Variants in MACROD2 observed in about 807,000 individuals in gnomAD.
MACROD2 encodes mono-ADP ribosylhydrolase 2.
A neutral mutation model predicts 70.4 loss-of-function variants in MACROD2; 36 were observed. The ratio of observed to expected loss-of-function variants is 0.51; its 90% CI spans 0.39 to 0.68. MACROD2 has a LOEUF of 0.68. Ranked by LOEUF, MACROD2 falls within the 30% of genes least tolerant of loss-of-function variation. The probability of loss-of-function intolerance (pLI) is 0.00; values close to 1 mark genes in which losing one functional copy is unlikely to be tolerated. For missense variants in MACROD2, 496 were observed against 538.4 expected (o/e 0.92, Z 0.78); for synonymous variants, 172 against 178.8 (o/e 0.96, Z 0.30).
At chr20:15,413,296 A>G (rs763279707) in intron 6 of MACROD2, among the ~76,000 whole-genome samples, 1 of 152,232 alleles carries the variant, frequency 6.6e-6, no homozygotes, top group Non-Finnish European at 1.5e-5. Flanking sequence ...CAGGCACTTC[A>G]GAATTCTGAA....
At chr20:15,559,155 A>G (rs2048207593) in intron 8 of MACROD2, among the ~76,000 whole-genome samples, 2 of 129,034 alleles carry the variant, frequency 1.5e-5, no homozygotes, top group African/African-American at 5.9e-5. Context: ...TGAACCCGGG[A>G]GGTGGAGCTT....
At chr20:14,819,549 C>T (rs569341531) in intron 5 of MACROD2, among the ~76,000 whole-genome samples, 16 of 152,090 alleles carry the variant, frequency 1.1e-4, no homozygotes, top group East Asian at 3.9e-4. Flanking sequence ...GCTTACCATC[C>T]GGTAGGGAGG....
chr20:15,293,495 A>G (rs1309286653), intron 6 of MACROD2, among the ~76,000 whole-genome samples: 2 of 152,224 alleles, frequency 1.3e-5, no homozygotes, highest in African/African-American at 4.8e-5. Context: ...TCTTCAATCC[A>G]AAACAACTAA....
chr20:14,912,677 G>A (rs1055619146), intron 5 of MACROD2, among the ~76,000 whole-genome samples: 1 of 152,184 alleles, frequency 6.6e-6, no homozygotes, highest in Non-Finnish European at 1.5e-5. Context: ...TTCAACATAT[G>A]TGAAGACTAA....
Position 14,368,304 on chromosome 20 carries a change from G to GGC in MACROD2, c.272-125175_272-125174insGC, listed in dbSNP as rs534944652. 9.2e-5 allele frequency among the ~76,000 whole-genome samples: 14 copies of GGC among 152,296 alleles called. No individual in the cohort carries two copies. In the East Asian group the frequency reaches 2.7e-3, roughly 29 times the overall value. On this transcript the variant is annotated intron_variant, in intron 3 of 17. Coordinates refer to ENST00000684519, the MANE Select transcript of MACROD2 (RefSeq NM_001351661.2). ...ACAGTGGCTCACGCCTGTAATTGCA[G>GGC]CACTTTGGGAGGCCGAGGTGGGCGG...
intron 3 of MACROD2, among the ~76,000 whole-genome samples, chr20:14,282,420 C>T (rs1377063614): frequency 6.6e-6 from 1 of 152,138 alleles, no homozygotes; most frequent in Non-Finnish European, 1.5e-5. Context: ...TGACTGTCTG[C>T]TGGATGGTCA....
chr20:15,857,890 G>A, intron 8 of MACROD2, among the ~76,000 whole-genome samples: 1 of 152,126 alleles, frequency 6.6e-6, no homozygotes, highest in Non-Finnish European at 1.5e-5. Flanking sequence ...CTGTGTGTGT[G>A]TCTCTAGGTG....
chr20:15,869,778 T>A (rs2064554282), intron 9 of MACROD2, among the ~76,000 whole-genome samples: 2 of 152,254 alleles, frequency 1.3e-5, no homozygotes, highest in South Asian at 4.1e-4. Context: ...TAAGTCAAGT[T>A]TGAGAATTAT....
At chr20:15,185,023 T>C (rs1405520321) in intron 5 of MACROD2, among the ~76,000 whole-genome samples, 1 of 152,172 alleles carries the variant, frequency 6.6e-6, no homozygotes, top group Non-Finnish European at 1.5e-5. Context: ...GGGGGCAGAT[T>C]TGAAGAAATG....
intron 4 of MACROD2, among the ~76,000 whole-genome samples, chr20:14,676,804 A>G (rs983027860): frequency 1.2e-4 from 18 of 152,152 alleles, no homozygotes; most frequent in African/African-American, 3.6e-4. Context: ...GATTAACAAA[A>G]TAGATAGACC....
chr20:15,386,978 C>A (rs1280529524), intron 6 of MACROD2, among the ~76,000 whole-genome samples: 1 of 152,032 alleles, frequency 6.6e-6, no homozygotes, highest in East Asian at 1.9e-4. Context: ...GCTATCCTTC[C>A]AAATGAGAAA....
chr20:16,041,071 T>C (rs761467200), intron 15 of MACROD2, 130 bp from the exon 16 acceptor site: 4 of 759,992 alleles, frequency 5.3e-6, no homozygotes, highest in Non-Finnish European at 8.7e-6. Context: ...TTTAACCTTT[T>C]CTGCAAAAGA....
chr20:15,791,936 CATGAAAAATAAAA>C (rs76500736), intron 8 of MACROD2, among the ~76,000 whole-genome samples: 27,788 of 151,804 alleles, frequency 0.18, 2,601 homozygotes, highest in Non-Finnish European at 0.21. Flanking sequence ...CAAAGTTCAT[CATGAAAAATAAAA>C]GTGAAAAATG....
intron 3 of MACROD2, among the ~76,000 whole-genome samples, chr20:14,168,522 T>C (rs376443282): frequency 1.4e-4 from 22 of 152,212 alleles, no homozygotes; most frequent in African/African-American, 4.8e-4. Context: ...CCTTGCATTA[T>C]TGTAGTACAT....
At chr20:14,947,477 T>A (rs1032144941) in intron 5 of MACROD2, among the ~76,000 whole-genome samples, 2 of 152,202 alleles carry the variant, frequency 1.3e-5, no homozygotes, top group Non-Finnish European at 2.9e-5. Flanking sequence ...ATAATTCAAG[T>A]AAAGGCTTTA....
At chr20:15,138,221 T>C (rs970273582) in intron 5 of MACROD2, among the ~76,000 whole-genome samples, 1 of 152,174 alleles carries the variant, frequency 6.6e-6, no homozygotes, top group African/African-American at 2.4e-5. Context: ...GTGTCTGTTT[T>C]ACCCCCACAA....
At chr20:14,045,481 T>C (rs2053459843) in intron 2 of MACROD2, among the ~76,000 whole-genome samples, 1 of 152,226 alleles carries the variant, frequency 6.6e-6, no homozygotes, top group South Asian at 2.1e-4. Flanking sequence ...TTTAGGAAAC[T>C]GCAGACAGAA....
rs932455150 is a variant in MACROD2, at chr20:15,149,687, C to T, written c.419-80253C>T. Among the ~76,000 whole-genome samples, 17 of 151,968 alleles carry T rather than the reference C, an allele frequency of 1.1e-4. 1 individual carries two copies. The highest frequency in any genetic ancestry group is 3.9e-4 in the African/African-American group (16 of 41,296). On this transcript the variant is annotated intron_variant, in intron 5 of 17. Coordinates refer to ENST00000684519, the MANE Select transcript of MACROD2 (RefSeq NM_001351661.2). Reference sequence around the variant, plus strand: ...TTAAGGGCCTCTAAAAGTATTAGGGCGGCAGCAGCTGCTGCACGGAGACAT... The same window carrying T: ...TTAAGGGCCTCTAAAAGTATTAGGGTGGCAGCAGCTGCTGCACGGAGACAT...
At chr20:15,623,751 C>A (rs2049162748) in intron 8 of MACROD2, among the ~76,000 whole-genome samples, 1 of 149,814 alleles carries the variant, frequency 6.7e-6, no homozygotes, top group Admixed American at 6.6e-5. Flanking sequence ...TATCTATCAT[C>A]TATCTGCCTA....
Sources: allele counts gnomAD v4.1 joint callset (sites outside exome capture counted in the v4.1 genomes callset), GRCh38; gene constraint gnomAD v4.1.1; transcripts MANE v1.5; gene names NCBI Gene and HGNC (gene_info 2026-07-23, HGNC 2026-07-21).